BTD: variants seen among roughly 807,000 people sequenced by gnomAD.
BTD encodes biotinidase.
In BTD, 13 loss-of-function variants were observed where a neutral mutation model predicts 17.7. The observed-to-expected ratio is 0.74, with a 90% CI of 0.48 to 1.17. The LOEUF (loss-of-function observed/expected upper bound fraction) is 1.17, where lower values mean the gene tolerates loss of function less well. Ranked by LOEUF, BTD falls within the 50% of genes most tolerant of loss-of-function variation. BTD has a pLI of 0.00. For missense variants in BTD, 674 were observed against 650.4 expected (o/e 1.04, Z -0.39); for synonymous variants, 240 against 245.2 (o/e 0.98, Z 0.20).
chr3:15,686,862 T>C (rs571568545), intron 3 of BTD, among the ~76,000 whole-genome samples: 1 of 152,018 alleles, frequency 6.6e-6, no homozygotes, highest in South Asian at 2.1e-4. Flanking sequence ...TGAATGCAAA[T>C]GTAAGAGAAT....
chr3:15,721,107 A>G (rs1195132737), intron 4 of BTD: 3 of 1,612,050 alleles, frequency 1.9e-6, no homozygotes, highest in Non-Finnish European at 2.5e-6. Context: ...GTGTATTTCC[A>G]TAGGCATTTG....
intron 1 of BTD, among the ~76,000 whole-genome samples, chr3:15,619,676 G>A (rs2064893553): frequency 6.6e-6 from 1 of 152,230 alleles, no homozygotes; most frequent in Non-Finnish European, 1.5e-5. Flanking sequence ...ATTTATGAGA[G>A]ATATTGCTCT....
At chr3:15,720,828 C>A in intron 4 of BTD, 1 of 1,193,788 alleles carries the variant, frequency 8.4e-7, no homozygotes, top group South Asian at 1.5e-5. Context: ...TATCAATATT[C>A]CTTTTTATTG....
intron 3 of BTD, chr3:15,678,435 G>A (rs1283108160): frequency 1.4e-6 from 2 of 1,382,268 alleles, no homozygotes; most frequent in Admixed American, 4.3e-5. Flanking sequence ...TTTGTGACAT[G>A]CTGTTTTTAA....
At chr3:15,688,289 T>G (rs1274026762) in intron 3 of BTD, among the ~76,000 whole-genome samples, 1 of 152,200 alleles carries the variant, frequency 6.6e-6, no homozygotes, top group African/African-American at 2.4e-5. Context: ...TGTACAAAAT[T>G]GATTTTTATT....
intron 1 of BTD, among the ~76,000 whole-genome samples, chr3:15,607,266 T>G (rs1028112969): frequency 6.6e-6 from 1 of 152,208 alleles, no homozygotes. Context: ...AAATCTAACC[T>G]TTTTAAAAGA....
At chr3:15,663,075 G>A (rs1402231707) in intron 3 of BTD, among the ~76,000 whole-genome samples, 1 of 151,638 alleles carries the variant, frequency 6.6e-6, no homozygotes, top group Admixed American at 6.6e-5. Context: ...TTGGCTTACT[G>A]AAACCTCCAC....
At chr3:15,711,184 AAAG>A (rs766994470) in exon 4 of BTD, 1 of 1,581,310 alleles carries the variant, frequency 6.3e-7, no homozygotes, top group Non-Finnish European at 8.6e-7. Flanking sequence ...ATCTTTTCTT[AAAG>A]AAATAAAAAT....
rs556074683 is a variant in BTD, at chr3:15,683,889, G to A, written c.400-26171G>A. 4 of 152,256 alleles carry A rather than the reference G, an allele frequency of 2.6e-5. No homozygotes were observed. The South Asian group carries it at 8.3e-4, about 32-fold the overall frequency. The allele number at this position is 152,256 out of a possible 1,614,324, so 9.4% of individuals were successfully genotyped here. On this transcript the variant is annotated intron_variant, in intron 3 of 3. Coordinates refer to the BTD transcript ENST00000672141. ...GAAAGATAGGAAATCTCAACTTCCTGGTAAGGCAGTCTGATTTTACAACAG... is the reference window on the plus strand; with the variant it reads ...GAAAGATAGGAAATCTCAACTTCCTAGTAAGGCAGTCTGATTTTACAACAG...
chr3:15,642,770 C>T (rs1055039726), intron 3 of BTD, among the ~76,000 whole-genome samples: 2 of 152,062 alleles, frequency 1.3e-5, no homozygotes, highest in African/African-American at 2.4e-5. Flanking sequence ...CCTTGACATC[C>T]TCTTTTTAAG....
Position 15,696,201 on chromosome 3 carries a change from C to A in BTD, c.400-13859C>A, listed in dbSNP as rs757361546. ...AACTGCGTTGTATCCTTGCTTATCA[C>A]GGATCCCTGGATTTGCATCGTTTCT... On this transcript the variant is annotated intron_variant, in intron 3 of 3. Coordinates refer to the BTD transcript ENST00000672141. 3 of 1,592,306 alleles carry A rather than the reference C, an allele frequency of 1.9e-6. No homozygotes were observed. The highest frequency in any genetic ancestry group is 2.6e-6 in the Non-Finnish European group (3 of 1,167,300).
At chr3:15,696,114 C>G in intron 3 of BTD, 1 of 1,503,778 alleles carries the variant, frequency 6.6e-7, no homozygotes, top group South Asian at 1.2e-5. Context: ...AGGTCTTTCA[C>G]AAGAATTCAG....
chr3:15,670,182 T>C, intron 3 of BTD: 1 of 1,420,148 alleles, frequency 7.0e-7, no homozygotes, highest in South Asian at 1.4e-5. Flanking sequence ...CCTCTTAGGT[T>C]GAATTTCTAC....
At chr3:15,617,336 T>C (rs1418130587) in intron 1 of BTD, among the ~76,000 whole-genome samples, 1 of 152,266 alleles carries the variant, frequency 6.6e-6, no homozygotes, top group East Asian at 1.9e-4. Flanking sequence ...ATCAATTCTT[T>C]CTTTTTTGTC....
In BTD at chr3:15,621,979, G is replaced by A. The variant is rs551383911; in HGVS notation, c.-16-13445G>A. On this transcript the variant is annotated intron_variant, in intron 1 of 3. Coordinates refer to ENST00000643237, the MANE Select transcript of BTD (RefSeq NM_001370658.1). ...TATAATATTCCTTTATTATTCTTTC[G>A]GTGTCCATGGGATCTGTAGTTATGT... 1.2e-4 allele frequency among the ~76,000 whole-genome samples: 18 copies of A among 152,088 alleles called. No individual in the cohort carries two copies. In the East Asian group the frequency reaches 1.7e-3, roughly 15 times the overall value.
At chr3:15,710,092 T>C in exon 4 of BTD, among the ~76,000 whole-genome samples, 1 of 151,390 alleles carries the variant, frequency 6.6e-6, no homozygotes, top group Non-Finnish European at 1.5e-5. Flanking sequence ...TAGAGTCCAG[T>C]GATGCAACCA....
chr3:15,610,353 G>A, intron 1 of BTD, among the ~76,000 whole-genome samples: 1 of 152,326 alleles, frequency 6.6e-6, no homozygotes, highest in South Asian at 2.1e-4. Flanking sequence ...AAGCCTCTAT[G>A]TGCGGTGTTT....
exon 4 of BTD, chr3:15,712,091 T>A: frequency 7.0e-7 from 1 of 1,430,544 alleles, no homozygotes; most frequent in Non-Finnish European, 9.6e-7. Context: ...ATCTAAAAAT[T>A]TTGAGGGGTT....
intron 1 of BTD, among the ~76,000 whole-genome samples, chr3:15,628,882 A>ATCTAG (rs1335117475): frequency 6.6e-6 from 1 of 152,174 alleles, no homozygotes; most frequent in East Asian, 1.9e-4. Context: ...TTTTCAGATT[A>ATCTAG]TCTAGTCTAC....
Sources: allele counts gnomAD v4.1 joint callset (sites outside exome capture counted in the v4.1 genomes callset), GRCh38; gene constraint gnomAD v4.1.1; transcripts MANE v1.5; gene names NCBI Gene and HGNC (gene_info 2026-07-23, HGNC 2026-07-21).